ATG16L2: variants seen among roughly 807,000 people sequenced by gnomAD.
ATG16L2 encodes autophagy related 16 like 2, also known as protein Atg16l2.
In ATG16L2, 77 loss-of-function variants were observed where a neutral mutation model predicts 84.7. The observed-to-expected ratio is 0.91, with a 90% CI of 0.76 to 1.10. ATG16L2 has a LOEUF of 1.10. Ranked by LOEUF, ATG16L2 falls within the 50% of genes least tolerant of loss-of-function variation. The pLI is 0.00. For missense variants in ATG16L2, 782 were observed against 817.6 expected, an observed-to-expected ratio of 0.96 and a Z score of 0.53; for synonymous variants, 361 against 342.8, an observed-to-expected ratio of 1.05 and a Z score of -0.59.
At chr11:72,843,667 C>A in exon 6 of ATG16L2, 1 of 643,816 alleles carries the variant, frequency 1.6e-6, no homozygotes, top group Admixed American at 2.8e-5. Flanking sequence ...AATTTAAATG[C>A]TGTAAAACTT....
chr11:72,818,621 C>T lies in ATG16L2; in HGVS notation c.318+766C>T, dbSNP rs149363742. On this transcript the variant is annotated intron_variant, in intron 3 of 17. Coordinates refer to ENST00000321297, the MANE Select transcript of ATG16L2 (RefSeq NM_033388.2). The stretch of plus-strand genomic sequence containing the variant: ...TTGCAGGCATCGGGCTAAACATTGT[C>T]TCAGTTAATCCTTCACAACTTTATG... 6.6e-5 allele frequency: 10 copies of T among 152,358 alleles called. No homozygotes were observed. In the East Asian group the frequency reaches 1.9e-3, roughly 29 times the overall value. The allele number at this position is 152,358 out of a possible 1,614,324, so 9.4% of individuals were successfully genotyped here.
At chr11:72,831,813 A>G (rs1860613608), downstream of ATG16L2, among the ~76,000 whole-genome samples, 1 of 152,152 alleles carries the variant, frequency 6.6e-6, no homozygotes, top group Non-Finnish European at 1.5e-5. Flanking sequence ...TGTAGCTACC[A>G]TGTTTCCCAG....
At chr11:72,837,847 T>C (rs1860780523) in intron 5 of ATG16L2, 1 of 152,212 alleles carries the variant, frequency 6.6e-6, no homozygotes, top group African/African-American at 2.4e-5. Flanking sequence ...GCCGGTCTGC[T>C]GGCTTGGGAA....
intron 5 of ATG16L2, chr11:72,841,632 G>A (rs750189689): frequency 3.3e-6 from 5 of 1,522,600 alleles, no homozygotes; most frequent in Non-Finnish European, 4.4e-6. Context: ...CCAGGAAGGA[G>A]AGCCTGGCTG....
chr11:72,834,190 A>G (rs1031744508), downstream of ATG16L2, among the ~76,000 whole-genome samples: 2 of 152,194 alleles, frequency 1.3e-5, no homozygotes, highest in African/African-American at 4.8e-5. Flanking sequence ...TAATTTAGTT[A>G]TATTTCTGTC....
chr11:72,821,352 G>A (rs1483466316), intron 3 of ATG16L2: 5 of 1,170,622 alleles, frequency 4.3e-6, no homozygotes, highest in Non-Finnish European at 5.3e-6. Context: ...GGAGCGGAGC[G>A]CTGGCTTCCC....
At chr11:72,839,937 G>A (rs999700613) in intron 5 of ATG16L2, among the ~76,000 whole-genome samples, 1 of 152,126 alleles carries the variant, frequency 6.6e-6, no homozygotes, top group African/African-American at 2.4e-5. Flanking sequence ...GACAGGTGGC[G>A]GCAAGGCTGC....
At chr11:72,815,090 A>C (rs1038212453) in intron 1 of ATG16L2, among the ~76,000 whole-genome samples, 3 of 152,188 alleles carry the variant, frequency 2.0e-5, no homozygotes, top group African/African-American at 7.2e-5. Flanking sequence ...CTGTCAGCCT[A>C]CCCAGCCTGA....
intron 5 of ATG16L2, among the ~76,000 whole-genome samples, chr11:72,840,420 G>A (rs1860883815): frequency 6.6e-6 from 1 of 152,214 alleles, no homozygotes; most frequent in African/African-American, 2.4e-5. Context: ...GCAGATGGCA[G>A]TAGAGTGAAG....
At chr11:72,817,077 T>C (rs1326773737) in intron 2 of ATG16L2, among the ~76,000 whole-genome samples, 1 of 152,198 alleles carries the variant, frequency 6.6e-6, no homozygotes, top group African/African-American at 2.4e-5. Context: ...TCCCATCTCC[T>C]TCCCGTCCCA....
intron 5 of ATG16L2, chr11:72,840,994 G>A (rs1156551560): frequency 6.6e-7 from 1 of 1,511,182 alleles, no homozygotes; most frequent in Non-Finnish European, 9.2e-7. Context: ...CATTTTACTT[G>A]AGTTGTTGAG....
intron 17 of ATG16L2, 126 bp from the exon 18 acceptor site, chr11:72,829,177 C>T: frequency 8.4e-7 from 1 of 1,189,806 alleles, no homozygotes; most frequent in Non-Finnish European, 1.2e-6. Flanking sequence ...TGTGAGCTAA[C>T]TTGACAGATG....
At chr11:72,825,015 T>C (rs767590600) in intron 9 of ATG16L2, among the ~76,000 whole-genome samples, 173 bp downstream of exon 9, 10 of 151,872 alleles carry the variant, frequency 6.6e-5, no homozygotes, top group Non-Finnish European at 1.0e-4. Flanking sequence ...AAGCATGTTA[T>C]GATGTGGGCA....
chr11:72,814,485 T>C lies in ATG16L2; in HGVS notation c.40T>C (p.Trp14Arg). ...CGTCCCCGGTGCCCCCGCAGCGCGC[T>C]GGAAACGCCACATCGTGCGGCAGCT... ...PGVPGAPAARWKRHIVRQLRL... is the reference protein window; with the variant it reads ...PGVPGAPAARRKRHIVRQLRL... Residue 14 changes from tryptophan to arginine, a missense_variant, in exon 1 of 18, where the codon TGG (tryptophan) becomes CGG (arginine). Coordinates refer to ENST00000321297, the MANE Select transcript of ATG16L2 (RefSeq NM_033388.2). The C allele has an allele frequency of 6.5e-7, 1 of 1,527,758 alleles. No individual in the cohort carries two copies. Among genetic ancestry groups the C allele is most frequent in the Non-Finnish European group, 8.8e-7 (1 of 1,134,012 alleles). 94.6% of individuals were successfully genotyped at this position (1,527,758 alleles called of 1,614,324 possible).
At chr11:72,832,442 G>C (rs1860626145), downstream of ATG16L2, among the ~76,000 whole-genome samples, 1 of 152,178 alleles carries the variant, frequency 6.6e-6, no homozygotes, top group African/African-American at 2.4e-5. Context: ...GGAGTTCCCG[G>C]GAATGAGGTA....
downstream of ATG16L2, among the ~76,000 whole-genome samples, chr11:72,829,843 T>C (rs1269278339): frequency 6.6e-6 from 1 of 152,170 alleles, no homozygotes; most frequent in Non-Finnish European, 1.5e-5. Flanking sequence ...GCCATGGATG[T>C]GACTCTTGGT....
chr11:72,821,902 C>G, intron 4 of ATG16L2, 142 bp from the exon 5 acceptor site: 1 of 1,419,634 alleles, frequency 7.0e-7, no homozygotes, highest in Non-Finnish European at 9.2e-7. Flanking sequence ...GCTCTGAGGG[C>G]GAAGGCTTGG....
intron 3 of ATG16L2, among the ~76,000 whole-genome samples, chr11:72,819,939 G>A (rs1039093627): frequency 2.0e-5 from 3 of 152,020 alleles, no homozygotes; most frequent in Non-Finnish European, 4.4e-5. Flanking sequence ...TAGAGATGGG[G>A]TTTCACCATG....
chr11:72,824,511 C>T (rs1860215189), intron 8 of ATG16L2: 1 of 586,928 alleles, frequency 1.7e-6, no homozygotes, highest in South Asian at 2.0e-5. Flanking sequence ...CACCCACCAA[C>T]CCTACCCTGC....
Sources: allele counts gnomAD v4.1 joint callset (sites outside exome capture counted in the v4.1 genomes callset), GRCh38; gene constraint gnomAD v4.1.1; transcripts MANE v1.5; gene names NCBI Gene and HGNC (gene_info 2026-07-23, HGNC 2026-07-21).